The following SMARCA4 variants were observed in gnomAD, a reference collection of about 807,000 sequenced individuals.
SMARCA4 encodes the protein SWI/SNF related BAF chromatin remodeling complex subunit ATPase 4.
Under a neutral mutation model 193.9 loss-of-function variants are expected in SMARCA4, and 31 were observed. The observed-to-expected ratio is 0.16, with a 90% CI of 0.12 to 0.22. SMARCA4 has a LOEUF of 0.22. Ranked by LOEUF, SMARCA4 falls within the 10% of genes least tolerant of loss-of-function variation. The pLI, the probability that SMARCA4 is intolerant of heterozygous loss-of-function variation, is 1.00. For synonymous variants in SMARCA4, 942 were observed against 933.1 expected (o/e 1.01, Z -0.17); for missense variants, 1,148 against 2,296.0 (o/e 0.50, Z 10.22).
Position 10,985,418 on chromosome 19 carries a change from G to A in SMARCA4, c.355+13G>A, listed in dbSNP as rs764006928. Reference sequence around the variant, plus strand: ...CAGCACTCCCAAGGTACAGAACTGCGTTCCTTCCTGCCTTGTGTTTGTCAT... The same window carrying A: ...CAGCACTCCCAAGGTACAGAACTGCATTCCTTCCTGCCTTGTGTTTGTCAT... On this transcript the variant is annotated intron_variant, in intron 3 of 34. Coordinates refer to ENST00000344626, the MANE Select transcript of SMARCA4 (RefSeq NM_003072.5). This position sits in a 1 kb window ranked among gnomAD's most constrained non-coding sequence, Gnocchi z 4.5. 16 of 1,613,268 alleles carry A rather than the reference G, an allele frequency of 9.9e-6. No homozygotes were observed. Among genetic ancestry groups the A allele is most frequent in the African/African-American group, 4.0e-5 (3 of 74,914 alleles).
In SMARCA4 at chr19:11,034,072, C is replaced by T. The variant is rs2146674874; in HGVS notation, c.3874-51C>T. ...CGCCGCTCGCCTCTGAGCTCGGCCG[C>T]CGCCCACCCCGGCCCCTCCTCAGCG... On this transcript the variant is annotated intron_variant, in intron 27 of 34. Coordinates refer to ENST00000344626, the MANE Select transcript of SMARCA4 (RefSeq NM_003072.5). This position sits in a 1 kb window ranked among gnomAD's most constrained non-coding sequence, Gnocchi z 7.0. 2 of 1,464,382 alleles carry T rather than the reference C, an allele frequency of 1.4e-6. No homozygotes were observed. Among genetic ancestry groups the T allele is most frequent in the South Asian group, 2.3e-5 (2 of 88,158 alleles). The allele number at this position is 1,464,382 out of a possible 1,614,324, so 90.7% of individuals were successfully genotyped here.
At position 11,061,056 on chromosome 19, in the gene SMARCA4, C is replaced by T. The variant is rs2076834005; in HGVS notation, c.4912-728C>T. On this transcript the variant is annotated intron_variant, in intron 34 of 34. Coordinates refer to ENST00000344626, the MANE Select transcript of SMARCA4 (RefSeq NM_003072.5). ...GGTTTTATGAGGCCAGGTCCAGTGG[C>T]TCACACCTGTAATCCCAGCACTTTG... Among the ~76,000 whole-genome samples, 8 of 151,948 alleles carry T rather than the reference C, an allele frequency of 5.3e-5. No homozygotes were observed. In the South Asian group the frequency reaches 1.7e-3, roughly 32 times the overall value.
intron 1 of SMARCA4, among the ~76,000 whole-genome samples, chr19:10,963,844 C>G (rs1358779164): frequency 6.6e-6 from 1 of 151,552 alleles, no homozygotes; most frequent in African/African-American, 2.4e-5. Flanking sequence ...TCCCAAGCTC[C>G]TTGAGAGGCT....
chr19:11,031,501 C>T lies in SMARCA4; in HGVS notation c.3546+608C>T, dbSNP rs2146616482. On this transcript the variant is annotated intron_variant, in intron 25 of 34. Transcript: ENST00000344626. The surrounding 1 kb of genome is among the most constrained non-coding windows in gnomAD (Gnocchi z 4.3). ...TCAGGAGTCCCTTTTCCCTTCCTCTCCAACCGTGCTCTCTTCTGAGCCTCT... is the reference window on the plus strand; with the variant it reads ...TCAGGAGTCCCTTTTCCCTTCCTCTTCAACCGTGCTCTCTTCTGAGCCTCT... 6.0e-6 allele frequency: 1 copy of T among 166,342 alleles called. No individual in the cohort carries two copies. The highest frequency in any genetic ancestry group is 1.6e-4 in the East Asian group (1 of 6,264). The allele number at this position is 166,342 out of a possible 1,614,324, so 10.3% of individuals were successfully genotyped here.
intron 1 of SMARCA4, among the ~76,000 whole-genome samples, chr19:10,966,585 C>G (rs1294139065): frequency 1.3e-5 from 2 of 150,932 alleles, no homozygotes; most frequent in Non-Finnish European, 3.0e-5. Context: ...AAGACCCTAT[C>G]TTAAAAAAGC....
Position 10,986,659 on chromosome 19 carries a change from G to T in SMARCA4, c.760+66G>T. 6.5e-7 allele frequency: 1 copy of T among 1,532,898 alleles called. No individual in the cohort carries two copies. The highest frequency in any genetic ancestry group is 8.7e-7 in the Non-Finnish European group (1 of 1,145,802). 95.0% of individuals were successfully genotyped at this position (1,532,898 alleles called of 1,614,324 possible). A position where few individuals can be genotyped will look rare whatever the true frequency, so the allele number is the denominator to read the frequency against. On this transcript the variant is annotated intron_variant, in intron 4 of 34. Coordinates refer to ENST00000344626, the MANE Select transcript of SMARCA4 (RefSeq NM_003072.5). The surrounding 1 kb of genome is among the most constrained non-coding windows in gnomAD (Gnocchi z 6.7). ...ATGGCTGGGGCGTGGGTGGCGGGGT[G>T]GACAGACCGTGCTCTGTTGCCGACT...
Position 11,033,819 on chromosome 19 carries a change from C to T in SMARCA4, c.3827C>T (p.Pro1276Leu). The T allele has an allele frequency of 1.3e-6, 1 of 779,808 alleles. No homozygotes were observed. The highest frequency in any genetic ancestry group is 1.7e-5 in the African/African-American group (1 of 59,268). 48.3% of individuals were successfully genotyped at this position (779,808 alleles called of 1,614,324 possible). ...SGSASFAHTAPPPAGVNPDLE... is the reference protein window; with the variant it reads ...SGSASFAHTALPPAGVNPDLE... ...AGTGCCAGCTTCGCCCACACTGCCCCTCCGCCAGCGGGCGTCAACCCCGAC... is the reference window on the plus strand; with the variant it reads ...AGTGCCAGCTTCGCCCACACTGCCCTTCCGCCAGCGGGCGTCAACCCCGAC... The change falls in exon 27 of 35, where the codon CCT becomes CTT. Residue 1276 changes from proline (P) to leucine (L), a missense_variant. Pro to Leu is a moderately conservative substitution (Grantham distance 98). Coordinates refer to ENST00000344626, the MANE Select transcript of SMARCA4 (RefSeq NM_003072.5). This position sits in a 1 kb window ranked among gnomAD's most constrained non-coding sequence, Gnocchi z 9.8.
chr19:11,050,099 A>T (rs2076175129), intron 30 of SMARCA4, among the ~76,000 whole-genome samples: 2 of 152,334 alleles, frequency 1.3e-5, no homozygotes, highest in Non-Finnish European at 2.9e-5. Flanking sequence ...TACGTCTCAA[A>T]AAAAAAGACT....
chr19:10,989,243 C>G (rs1375204456), intron 6 of SMARCA4, 74 bp from the exon 7 acceptor site: 9 of 1,582,886 alleles, frequency 5.7e-6, no homozygotes, highest in Non-Finnish European at 7.8e-6. Flanking sequence ...AGGGATGGGT[C>G]CCCTGCAGCT....
In SMARCA4 at chr19:11,019,434, A is replaced by G. The variant is rs2146368986; in HGVS notation, c.2506-157A>G. On this transcript the variant is annotated intron_variant, in intron 17 of 34. Transcript: ENST00000344626. This position sits in a 1 kb window ranked among gnomAD's most constrained non-coding sequence, Gnocchi z 6.1. ...GTGTTCTGCGTGGTGAGGTCTGGGGACGCGCCAGCGGCCCTGCCAGCCCCT... is the reference window on the plus strand; with the variant it reads ...GTGTTCTGCGTGGTGAGGTCTGGGGGCGCGCCAGCGGCCCTGCCAGCCCCT... 1.5e-6 allele frequency: 1 copy of G among 651,782 alleles called. No homozygotes were observed. Among genetic ancestry groups the G allele is most frequent in the Middle Eastern group, 4.0e-4 (1 of 2,516 alleles). 40.4% of individuals were successfully genotyped at this position (651,782 alleles called of 1,614,324 possible). A position where few individuals can be genotyped will look rare whatever the true frequency, so the allele number is the denominator to read the frequency against.
At chr19:11,021,448 A>G in intron 18 of SMARCA4, 1 of 556,136 alleles carries the variant, frequency 1.8e-6, no homozygotes, top group Non-Finnish European at 3.4e-6. Flanking sequence ...GTGATTTTGC[A>G]GGGAAGCCAG....
chr19:11,033,952 G>A lies in SMARCA4; in HGVS notation c.3873+87G>A, dbSNP rs1004036390. ...AGCAAGGGCCCTGGTCCCACGGAGC[G>A]TGCGTGTGCGTGTGCGTGTGTGTGC... On this transcript the variant is annotated intron_variant, in intron 27 of 34. Transcript: ENST00000344626. This position sits in a 1 kb window ranked among gnomAD's most constrained non-coding sequence, Gnocchi z 9.8. 14 of 740,004 alleles carry A rather than the reference G, an allele frequency of 1.9e-5. No homozygotes were observed. The highest frequency in any genetic ancestry group is 5.6e-5 in the Admixed American group (3 of 53,328). The allele number at this position is 740,004 out of a possible 1,614,324, so 45.8% of individuals were successfully genotyped here.
chr19:11,061,641 G>A, intron 34 of SMARCA4, 143 bp from the exon 35 acceptor site: 1 of 808,038 alleles, frequency 1.2e-6, no homozygotes, highest in East Asian at 2.5e-5. Flanking sequence ...CTTCCAAAGT[G>A]CTGGGATTAC....
chr19:10,996,621 G>T, intron 11 of SMARCA4, 77 bp downstream of exon 11: 1 of 1,366,428 alleles, frequency 7.3e-7, no homozygotes, highest in Non-Finnish European at 1.0e-6. Context: ...TAAAACCTGT[G>T]TTCTTTTAAA....
At chr19:11,023,800 T>C (rs1166649802) in intron 20 of SMARCA4, among the ~76,000 whole-genome samples, 169 bp downstream of exon 20, 20 of 152,206 alleles carry the variant, frequency 1.3e-4, no homozygotes, top group Admixed American at 1.2e-3. Context: ...GCTGCTGTTG[T>C]AGGGATTGAA....
chr19:10,986,410 G>A lies in SMARCA4; in HGVS notation c.577G>A (p.Gly193Arg), dbSNP rs1568422547. 3.1e-6 allele frequency: 5 copies of A among 1,587,402 alleles called. No homozygotes were observed. The South Asian group carries it at 3.4e-5, about 11-fold the overall frequency. The change falls in exon 4 of 35, where the codon GGG (glycine) becomes AGG (arginine). Residue 193 changes from glycine to arginine, a missense_variant. Around this residue, in one of 17 missense-constraint regions of SMARCA4, gnomAD observed 257 missense variants for 276.5 expected, o/e 0.93. Transcript: ENST00000344626. This position sits in a 1 kb window ranked among gnomAD's most constrained non-coding sequence, Gnocchi z 6.7. ...QIMAYKMLAR[G>R]QPLPDHLQMA... is the part of the protein sequence containing the mutation. ...CATGGCCTACAAGATGCTGGCCAGG[G>A]GGCAGCCCCTCCCCGACCACCTGCA...
intron 34 of SMARCA4, chr19:11,060,636 G>A (rs1199187540): frequency 4.4e-6 from 1 of 225,730 alleles, no homozygotes; most frequent in Non-Finnish European, 9.0e-6. Context: ...GGTGCAGTGG[G>A]GAGCCGGAGA....
intron 1 of SMARCA4, chr19:10,961,403 G>GGGGCCCGGGCCGCGTGGA (rs2083789487): frequency 6.7e-6 from 1 of 150,278 alleles, no homozygotes; most frequent in African/African-American, 2.4e-5. Context: ...GGGTGGGTGG[G>GGGGCCCGGGCCGCGTGGA]GGGCCCGGGC....
chr19:10,962,565 G>A (rs1447330309), intron 1 of SMARCA4, among the ~76,000 whole-genome samples: 1 of 152,002 alleles, frequency 6.6e-6, no homozygotes, highest in Non-Finnish European at 1.5e-5. Flanking sequence ...TGTTTTTGAG[G>A]CAGAGTCTTG....
Sources: allele counts gnomAD v4.1 joint callset (sites outside exome capture counted in the v4.1 genomes callset), GRCh38; gene constraint gnomAD v4.1.1; regional missense constraint gnomAD v4.1.1; non-coding constraint Gnocchi (gnomAD v3.1); transcripts MANE v1.5; gene names NCBI Gene and HGNC (gene_info 2026-07-23, HGNC 2026-07-21).